GZMM: variants seen among roughly 807,000 people sequenced by gnomAD.
The protein encoded by GZMM is granzyme M.
In GZMM, 23 loss-of-function variants were observed where a neutral mutation model predicts 19.2. The observed-to-expected ratio is 1.20, with a 90% CI of 0.86 to 1.69. The LOEUF (loss-of-function observed/expected upper bound fraction) is 1.69. Among genes scored for constraint, GZMM ranks in the 40% most tolerant of loss-of-function variants. The pLI is 0.00. For missense variants in GZMM, 373 were observed against 352.2 expected, an observed-to-expected ratio of 1.06 and a Z score of -0.47; for synonymous variants, 178 against 160.2, an observed-to-expected ratio of 1.11 and a Z score of -0.84.
chr19:546,830 T>A (rs533982807), intron 1 of GZMM, among the ~76,000 whole-genome samples: 1 of 144,778 alleles, frequency 6.9e-6, no homozygotes, highest in East Asian at 2.1e-4. Context: ...AGAGCGAGAC[T>A]CTGTCTCAAA....
rs373181029 is a variant in GZMM at position 545,496 on chromosome 19, T to C, written c.55+1370T>C. Among the ~76,000 whole-genome samples the C allele has an allele frequency of 6.5e-4, 96 of 148,240 alleles. 1 individual carries two copies. Among genetic ancestry groups the C allele is most frequent in the East Asian group, 2.0e-3 (10 of 4,946 alleles). ...CCGAGTAGCTGGGATTACAGGCGCCTGCCACCATGCCGGGCTAATTTTGTA... is the reference window on the plus strand; with the variant it reads ...CCGAGTAGCTGGGATTACAGGCGCCCGCCACCATGCCGGGCTAATTTTGTA... On this transcript the variant is annotated intron_variant, in intron 1 of 4. Transcript: ENST00000264553.
In GZMM at chr19:548,966, C is replaced by G. The variant is rs768822177; in HGVS notation, c.393C>G (p.Ala131=). The change falls in exon 4 of 5, where the codon GCC becomes GCG. Residue 131 remains alanine (A), a synonymous_variant. Transcript: ENST00000264553. ...VKPSRTIRPL[A]LPSKRQVVAA... is the part of the protein sequence containing the mutation. The stretch of plus-strand genomic sequence containing the variant: ...CCAGCCGGACCATCCGGCCGTTGGC[C>G]CTGCCCAGTAAGCGCCAGGTGGTGG... The G allele has an allele frequency of 6.2e-7, 1 of 1,600,972 alleles. No individual in the cohort carries two copies. Among genetic ancestry groups the G allele is most frequent in the Non-Finnish European group, 8.5e-7 (1 of 1,173,136 alleles).
chr19:544,055 T>G lies in GZMM; in HGVS notation c.-17T>G. 2 of 1,546,622 alleles carry G rather than the reference T, an allele frequency of 1.3e-6. No homozygotes were observed. Among genetic ancestry groups the G allele is most frequent in the Non-Finnish European group, 1.7e-6 (2 of 1,146,204 alleles). ...TCGGGGCCGGGGCCAGCACCCACAC[T>G]GGGTCTCCACAGCGGCATGGAGGCC... On this transcript the variant is annotated 5_prime_UTR_variant, in exon 1 of 5. Coordinates refer to ENST00000264553, the MANE Select transcript of GZMM (RefSeq NM_005317.4).
At chr19:544,152 G>A (rs1306028996) in intron 1 of GZMM, 26 bp downstream of exon 1, 3 of 1,541,534 alleles carry the variant, frequency 1.9e-6, no homozygotes, top group South Asian at 2.4e-5. Context: ...GATGCAGGGG[G>A]GACACTGAGG....
intron 3 of GZMM, 99 bp from the exon 4 acceptor site, chr19:548,819 TGCCC>T: frequency 1.1e-5 from 3 of 266,528 alleles, no homozygotes; most frequent in Middle Eastern, 2.3e-3. Context: ...CCTCCCCCAT[TGCCC>T]ACCCTCCCCC....
At position 548,612 on chromosome 19, in the gene GZMM, G is replaced by A. The variant is rs114537924; in HGVS notation, c.283G>A (p.Ala95Thr). Residue 95 changes from alanine (A) to threonine (T), a missense_variant, in exon 3 of 5, where the codon GCA (alanine) becomes ACA (threonine). Ala to Thr is a moderately conservative substitution (Grantham distance 58). Coordinates refer to ENST00000264553, the MANE Select transcript of GZMM (RefSeq NM_005317.4). The stretch of plus-strand genomic sequence containing the variant: ...CCCCGGTCTCACCTTCCACATCAAG[G>A]CAGCCATCCAGCACCCTCGCTACAA... Reference protein sequence around the residue: ...DSPGLTFHIKAAIQHPRYKPV... With the variant: ...DSPGLTFHIKTAIQHPRYKPV... 0.033 allele frequency: 52,511 copies of A among 1,613,530 alleles called. 997 individuals carry two copies. Among genetic ancestry groups the A allele is most frequent in the Non-Finnish European group, 0.038 (45,384 of 1,179,686 alleles).
intron 1 of GZMM, among the ~76,000 whole-genome samples, chr19:544,607 G>A (rs1366710748): frequency 3.3e-5 from 5 of 152,080 alleles, no homozygotes; most frequent in Non-Finnish European, 7.4e-5. Flanking sequence ...GGCTCTTGAT[G>A]AGTTGGGGAC....
intron 1 of GZMM, among the ~76,000 whole-genome samples, chr19:545,696 T>C (rs1323043070): frequency 1.4e-5 from 2 of 145,730 alleles, no homozygotes; most frequent in Non-Finnish European, 3.0e-5. Context: ...CAGGCTGGAG[T>C]GCAATGGCAC....
intron 2 of GZMM, among the ~76,000 whole-genome samples, chr19:547,852 G>A (rs1400852851): frequency 6.6e-6 from 1 of 152,174 alleles, no homozygotes; most frequent in African/African-American, 2.4e-5. Flanking sequence ...AGTGGCTCGG[G>A]AATCGACCTG....
In GZMM at chr19:549,869, A is replaced by T; in HGVS notation, c.*78A>T. 5 of 514,892 alleles carry T rather than the reference A, an allele frequency of 9.7e-6. No individual in the cohort carries two copies. Among genetic ancestry groups the T allele is most frequent in the Middle Eastern group, 5.3e-4 (1 of 1,872 alleles). 31.9% of individuals were successfully genotyped at this position (514,892 alleles called of 1,614,324 possible). Reference sequence around the variant, plus strand: ...CAGGGGTGCAGTGGGGTGGGTGAGGACGGGTGGGAGGGACAGGGAGGGACC... The same window carrying T: ...CAGGGGTGCAGTGGGGTGGGTGAGGTCGGGTGGGAGGGACAGGGAGGGACC... On this transcript the variant is annotated 3_prime_UTR_variant, in exon 5 of 5. Transcript: ENST00000264553.
At chr19:546,867 A>T (rs79771068) in intron 1 of GZMM, among the ~76,000 whole-genome samples, 1 of 2,836 alleles carries the variant, frequency 3.5e-4, no homozygotes, top group Non-Finnish European at 4.7e-3. Context: ...GTTTTTTTTA[A>T]GAGACTGGGT....
At chr19:547,147 G>A (rs569468334) in intron 1 of GZMM, 133 bp from the exon 2 acceptor site, 16 of 756,706 alleles carry the variant, frequency 2.1e-5, no homozygotes, top group South Asian at 2.1e-4. Flanking sequence ...TAAAAGTTTC[G>A]GGGAACACTG....
chr19:546,837 CAAAAAAAAAG>C, intron 1 of GZMM, among the ~76,000 whole-genome samples: 1 of 111,162 alleles, frequency 9.0e-6, no homozygotes. Flanking sequence ...GACTCTGTCT[CAAAAAAAAAG>C]AAAAAAAAAG....
chr19:547,541 C>T (rs1459977211), intron 2 of GZMM, 105 bp downstream of exon 2: 3 of 898,392 alleles, frequency 3.3e-6, no homozygotes, highest in Non-Finnish European at 4.5e-6. Context: ...ATTGTGGGAC[C>T]CCCGTCCCCT....
intron 1 of GZMM, among the ~76,000 whole-genome samples, chr19:545,639 G>C (rs28666917): frequency 7.8e-6 from 1 of 128,224 alleles, no homozygotes; most frequent in Non-Finnish European, 1.7e-5. Context: ...GAGCCACCGC[G>C]CCCGGCCTAT....
Position 544,139 on chromosome 19 carries a change from C to T in GZMM, c.55+13C>T, listed in dbSNP as rs374965649. ...GCCCTGTCAGTAGGTGAGTGGGAGCCGGGATGCAGGGGGGACACTGAGGCC... is the reference window on the plus strand; with the variant it reads ...GCCCTGTCAGTAGGTGAGTGGGAGCTGGGATGCAGGGGGGACACTGAGGCC... On this transcript the variant is annotated intron_variant, in intron 1 of 4. Coordinates refer to ENST00000264553, the MANE Select transcript of GZMM (RefSeq NM_005317.4). 105 of 1,547,348 alleles carry T rather than the reference C, an allele frequency of 6.8e-5. No homozygotes were observed. Among genetic ancestry groups the T allele is most frequent in the Admixed American group, 1.4e-4 (7 of 50,714 alleles).
Position 549,091 on chromosome 19 carries a change from C to A in GZMM, c.518C>A (p.Thr173Asn), listed in dbSNP as rs758598449. ...GAGCTGGACCTCCAAGTGCTGGACA[C>A]CCGCATGTGTAACAACAGCCGCTTC... Reference protein sequence around the residue: ...LRELDLQVLDTRMCNNSRFWN... With the variant: ...LRELDLQVLDNRMCNNSRFWN... The change falls in exon 4 of 5, where the codon ACC (threonine) becomes AAC (asparagine). Residue 173 changes from threonine to asparagine, a missense_variant. By Grantham distance (65) the Thr-to-Asn change is moderately conservative. Coordinates refer to ENST00000264553, the MANE Select transcript of GZMM (RefSeq NM_005317.4). The A allele has an allele frequency of 2.1e-5, 33 of 1,586,780 alleles. 1 individual carries two copies. In the East Asian group the frequency reaches 6.2e-4, roughly 30 times the overall value.
In GZMM at chr19:549,026, G is replaced by T. The variant is rs373711246; in HGVS notation, c.453G>T (p.Gly151=). The T allele has an allele frequency of 6.2e-7, 1 of 1,602,090 alleles. No individual in the cohort carries two copies. Among genetic ancestry groups the T allele is most frequent in the Non-Finnish European group, 8.5e-7 (1 of 1,175,970 alleles). The part of the protein sequence containing the change: ...AGTRCSMAGW[G]LTHQGGRLSR... ...CTCGGTGCAGCATGGCCGGCTGGGG[G>T]CTGACCCACCAGGGCGGGCGCCTGT... The change falls in exon 4 of 5, where the codon GGG becomes GGT. Residue 151 remains glycine (G), a synonymous_variant. Transcript: ENST00000264553.
intron 2 of GZMM, among the ~76,000 whole-genome samples, chr19:547,713 A>G (rs1444032879): frequency 6.6e-6 from 1 of 152,152 alleles, no homozygotes; most frequent in Non-Finnish European, 1.5e-5. Flanking sequence ...TGGTGTGGAC[A>G]GAGTGCATTG....
Sources: allele counts gnomAD v4.1 joint callset (sites outside exome capture counted in the v4.1 genomes callset), GRCh38; gene constraint gnomAD v4.1.1; transcripts MANE v1.5; gene names NCBI Gene and HGNC (gene_info 2026-07-23, HGNC 2026-07-21).